IGSF23: variants seen among roughly 807,000 people sequenced by gnomAD.
IGSF23 encodes the protein immunoglobulin superfamily, member 23.
IGSF23 carries 14 observed loss-of-function variants against 17.8 expected under a neutral mutation model. The observed-to-expected ratio is 0.79, with a 90% CI of 0.52 to 1.23. The LOEUF is 1.23. Among genes scored for constraint, IGSF23 ranks in the 50% most tolerant of loss-of-function variants. The pLI, the probability that IGSF23 is intolerant of heterozygous loss-of-function variation, is 0.00. For missense variants in IGSF23, 214 were observed against 241.7 expected (o/e 0.89, Z 0.76); for synonymous variants, 85 against 92.5 (o/e 0.92, Z 0.46).
intron 3 of IGSF23, 41 bp from the exon 4 acceptor site, chr19:44,635,348 TTCTCTCTCTCTC>T (rs138387848): frequency 4.9e-5 from 48 of 977,684 alleles, no homozygotes; most frequent in East Asian, 8.2e-5. Context: ...ATGATTCTTA[TTCTCTCTCTCTC>T]TCTCTCTCTC....
intron 1 of IGSF23, among the ~76,000 whole-genome samples, chr19:44,619,995 G>A (rs1972476738): frequency 6.6e-6 from 1 of 152,160 alleles, no homozygotes; most frequent in African/African-American, 2.4e-5. Flanking sequence ...TGTCGGCCAG[G>A]CGCAGTGGCT....
chr19:44,634,478 G>A (rs2123729867), intron 3 of IGSF23, among the ~76,000 whole-genome samples: 1 of 152,282 alleles, frequency 6.6e-6, no homozygotes. Flanking sequence ...TCTGGGGGGT[G>A]TATTCTAACA....
At chr19:44,634,130 ACCG>A (rs906890330) in intron 3 of IGSF23, among the ~76,000 whole-genome samples, 85 of 152,294 alleles carry the variant, frequency 5.6e-4, no homozygotes, top group African/African-American at 1.8e-3. Flanking sequence ...CTGCGGCACT[ACCG>A]GCTGTGGCGG....
chr19:44,620,080 C>T (rs569044893), intron 1 of IGSF23, among the ~76,000 whole-genome samples: 14 of 152,162 alleles, frequency 9.2e-5, no homozygotes, highest in Admixed American at 9.2e-4. Context: ...ACCAGCCTGA[C>T]CAACATGGTG....
intron 3 of IGSF23, among the ~76,000 whole-genome samples, chr19:44,630,445 G>A (rs998412904): frequency 4.6e-5 from 7 of 152,244 alleles, no homozygotes; most frequent in South Asian, 2.1e-4. Flanking sequence ...GACACACAGC[G>A]AATGAATGGC....
chr19:44,629,324 G>A (rs1284879233), intron 3 of IGSF23, among the ~76,000 whole-genome samples: 1 of 152,206 alleles, frequency 6.6e-6, no homozygotes, highest in African/African-American at 2.4e-5. Context: ...GGCCAAGGCA[G>A]GAGGATCACT....
intron 3 of IGSF23, among the ~76,000 whole-genome samples, chr19:44,633,050 C>A (rs59451830): frequency 6.6e-6 from 1 of 152,100 alleles, no homozygotes; most frequent in Non-Finnish European, 1.5e-5. Context: ...AAAACTTTAC[C>A]TTTCAAGCCA....
chr19:44,618,230 C>T (rs1433818198), intron 1 of IGSF23: 1 of 470,412 alleles, frequency 2.1e-6, no homozygotes. Flanking sequence ...GGTATGACGC[C>T]CAGCCAGCAG....
chr19:44,625,875 T>C (rs1599738326), intron 2 of IGSF23, among the ~76,000 whole-genome samples: 3 of 152,090 alleles, frequency 2.0e-5, no homozygotes, highest in Admixed American at 2.0e-4. Flanking sequence ...GTTCTGATGG[T>C]TTTACAAAAG....
At chr19:44,616,445 C>T (rs928830814) in intron 1 of IGSF23, among the ~76,000 whole-genome samples, 2 of 152,032 alleles carry the variant, frequency 1.3e-5, no homozygotes, top group Non-Finnish European at 2.9e-5. Context: ...CACCTGTAAT[C>T]CCAGCACTTT....
At chr19:44,635,810 G>T (rs745506166) in intron 4 of IGSF23, among the ~76,000 whole-genome samples, 20 of 152,184 alleles carry the variant, frequency 1.3e-4, no homozygotes, top group Non-Finnish European at 2.5e-4. Flanking sequence ...CAATCCATAG[G>T]TGTGAGTCAG....
chr19:44,624,277 ACTT>A lies in IGSF23; in HGVS notation c.391+318_391+320del, dbSNP rs200381772. On this transcript the variant is annotated intron_variant, in intron 2 of 4. Coordinates refer to ENST00000402988, the MANE Select transcript of IGSF23 (RefSeq NM_001205280.2). ...TTCTTCTTCTCCTTCTCCTTCTTCTACTTCTTCTTCTTCTTTTTTTTTTTTTTG... is the reference window on the plus strand; with the variant it reads ...TTCTTCTTCTCCTTCTCCTTCTTCTACTTCTTCTTCTTTTTTTTTTTTTTG... Among the ~76,000 whole-genome samples, 955 of 105,968 alleles carry A rather than the reference ACTT, an allele frequency of 9.0e-3. 7 individuals carry two copies. The highest frequency in any genetic ancestry group is 0.03 in the African/African-American group (813 of 27,438). The allele number at this position is 105,968 out of a possible 152,430, so 69.5% of individuals were successfully genotyped here. A position where few individuals can be genotyped will look rare whatever the true frequency, so the allele number is the denominator to read the frequency against.
At chr19:44,630,211 C>A (rs998068271) in intron 3 of IGSF23, among the ~76,000 whole-genome samples, 2 of 152,160 alleles carry the variant, frequency 1.3e-5, no homozygotes, top group African/African-American at 4.8e-5. Flanking sequence ...GGGGCCAGGT[C>A]TCCATCCATG....
intron 3 of IGSF23, among the ~76,000 whole-genome samples, chr19:44,629,551 G>C (rs1371292205): frequency 2.0e-5 from 3 of 151,422 alleles, no homozygotes; most frequent in Admixed American, 6.6e-5. Flanking sequence ...GACAGAGCAA[G>C]ACCCTATTTC....
In IGSF23 at chr19:44,635,510, G is replaced by C; in HGVS notation, c.*31+45G>C. 9 of 1,397,258 alleles carry C rather than the reference G, an allele frequency of 6.4e-6. No individual in the cohort carries two copies. The South Asian group carries it at 1.1e-4, about 17-fold the overall frequency. 86.6% of individuals were successfully genotyped at this position (1,397,258 alleles called of 1,614,324 possible). A position where few individuals can be genotyped will look rare whatever the true frequency, so the allele number is the denominator to read the frequency against. On this transcript the variant is annotated intron_variant, in intron 4 of 4. Transcript: ENST00000402988. The stretch of plus-strand genomic sequence containing the variant: ...GAAGGAAATCCTAGGTTTGGGAACA[G>C]AAAGAAGTTCTTGGGCAGAGACTCC...
chr19:44,624,060 C>A, intron 2 of IGSF23, 88 bp downstream of exon 2: 1 of 1,214,508 alleles, frequency 8.2e-7, no homozygotes, highest in Non-Finnish European at 1.1e-6. Flanking sequence ...TCCATTAAGC[C>A]ACCTACTATG....
chr19:44,633,627 A>T (rs895668955), intron 3 of IGSF23, among the ~76,000 whole-genome samples: 4 of 152,158 alleles, frequency 2.6e-5, no homozygotes, highest in Non-Finnish European at 5.9e-5. Context: ...AACTCCAACT[A>T]TGTTAAATTG....
chr19:44,619,712 T>A (rs1972469534), intron 1 of IGSF23, among the ~76,000 whole-genome samples: 1 of 152,182 alleles, frequency 6.6e-6, no homozygotes, highest in Non-Finnish European at 1.5e-5. Flanking sequence ...CTTTCTTCTG[T>A]GTGTGCACAT....
At chr19:44,616,882 G>A (rs1972392331) in intron 1 of IGSF23, among the ~76,000 whole-genome samples, 1 of 151,550 alleles carries the variant, frequency 6.6e-6, no homozygotes, top group Admixed American at 6.6e-5. Context: ...TGTAGAGAGA[G>A]AGAGGGAGAG....
Sources: gnomAD v4.1 joint callset for allele counts (sites outside exome capture counted in the v4.1 genomes callset) on GRCh38, gnomAD v4.1.1 for gene constraint, MANE v1.5 for transcripts, NCBI Gene and HGNC (gene_info 2026-07-23, HGNC 2026-07-21) for gene names.